Variants in HACE1 observed in about 807,000 individuals in gnomAD.
HACE1 encodes the protein E3 ubiquitin-protein ligase HACE1.
HACE1 carries 73 observed loss-of-function variants against 118.4 expected under a neutral mutation model. That is an observed-to-expected ratio of 0.62 (90% CI 0.51 to 0.75). The LOEUF is 0.75. Ranked by LOEUF, HACE1 falls within the 30% of genes least tolerant of loss-of-function variation. The probability of loss-of-function intolerance (pLI) is 0.00; values close to 1 mark genes in which losing one functional copy is unlikely to be tolerated. For missense variants in HACE1, 749 were observed against 1,102.2 expected (o/e 0.68, Z 4.54); for synonymous variants, 368 against 374.8 (o/e 0.98, Z 0.21).
intron 10 of HACE1, among the ~76,000 whole-genome samples, chr6:104,794,545 T>G (rs893168258): frequency 1.3e-5 from 2 of 152,240 alleles, no homozygotes; most frequent in African/African-American, 2.4e-5. Context: ...AATTTCAACA[T>G]AGAGATCTTG....
At chr6:104,859,504 G>C (rs1777093093) in intron 1 of HACE1, 63 bp downstream of exon 1, 1 of 1,205,042 alleles carries the variant, frequency 8.3e-7, no homozygotes, top group Non-Finnish European at 1.1e-6. Flanking sequence ...GACGCGGCCG[G>C]AGCTCCTGCC....
intron 22 of HACE1, among the ~76,000 whole-genome samples, chr6:104,739,263 G>A (rs1027201600): frequency 6.6e-6 from 1 of 152,008 alleles, no homozygotes; most frequent in African/African-American, 2.4e-5. Context: ...ATCAACTAAC[G>A]AACAAAATAA....
At chr6:104,825,081 C>CAAA (rs575106170) in intron 6 of HACE1, among the ~76,000 whole-genome samples, 16 of 92,768 alleles carry the variant, frequency 1.7e-4, no homozygotes, top group African/African-American at 6.6e-4. Context: ...GACTCCGTCT[C>CAAA]AAAAAAAAAA....
At position 104,762,564 on chromosome 6, in the gene HACE1, G is replaced by C. The variant is rs544664798; in HGVS notation, c.2211+8629C>G. 2.0e-3 allele frequency among the ~76,000 whole-genome samples: 310 copies of C among 152,242 alleles called. 1 individual carries two copies. The highest frequency in any genetic ancestry group is 3.4e-3 in the Middle Eastern group (1 of 292). On this transcript the variant is annotated intron_variant, in intron 19 of 23. Coordinates refer to ENST00000262903, the MANE Select transcript of HACE1 (RefSeq NM_020771.4). ...AGGGCCTGCTGAGGGTGGGGGGCTA[G>C]AGGAGGGATAACATTAGGAGAAATA...
chr6:104,781,727 G>A (rs1582439972), intron 14 of HACE1, among the ~76,000 whole-genome samples: 1 of 151,848 alleles, frequency 6.6e-6, no homozygotes, highest in African/African-American at 2.4e-5. Flanking sequence ...TGCAACCACC[G>A]CCAACATGGA....
chr6:104,859,816 G>A lies in HACE1; in HGVS notation c.-174C>T. On this transcript the variant is annotated 5_prime_UTR_variant, in exon 1 of 24. Coordinates refer to ENST00000262903, the MANE Select transcript of HACE1 (RefSeq NM_020771.4). ...GCCACGTCCTGCGTCCGGGGGCCGG[G>A]CTGCTGCCGGACCGACCACCTACAG... is the stretch of plus-strand genomic sequence containing the variant. 1.7e-6 allele frequency: 1 copy of A among 587,132 alleles called. No individual in the cohort carries two copies. Among genetic ancestry groups the A allele is most frequent in the Non-Finnish European group, 2.9e-6 (1 of 349,554 alleles). 36.4% of individuals were successfully genotyped at this position (587,132 alleles called of 1,614,324 possible). A position where few individuals can be genotyped will look rare whatever the true frequency, so the allele number is the denominator to read the frequency against.
At chr6:104,800,637 T>C (rs1770226315) in intron 7 of HACE1, among the ~76,000 whole-genome samples, 1 of 152,114 alleles carries the variant, frequency 6.6e-6, no homozygotes, top group Non-Finnish European at 1.5e-5. Flanking sequence ...GACCTGACTG[T>C]TAGAAGGAAA....
chr6:104,761,804 C>A (rs1169530187), intron 19 of HACE1, among the ~76,000 whole-genome samples: 3 of 152,072 alleles, frequency 2.0e-5, no homozygotes, highest in Non-Finnish European at 4.4e-5. Flanking sequence ...ATCCATCTGA[C>A]AAAGGGTTAA....
chr6:104,732,025 G>A (rs1775264475), intron 22 of HACE1: 1 of 152,050 alleles, frequency 6.6e-6, no homozygotes, highest in African/African-American at 2.4e-5. Context: ...CACTCATTAA[G>A]ATGACTATCG....
intron 14 of HACE1, among the ~76,000 whole-genome samples, chr6:104,779,985 C>T (rs1007292284): frequency 1.3e-5 from 2 of 151,998 alleles, no homozygotes; most frequent in Non-Finnish European, 2.9e-5. Flanking sequence ...GAAAAAGGAA[C>T]TTTTGTCCCC....
chr6:104,768,841 G>A (rs933848921), intron 19 of HACE1, among the ~76,000 whole-genome samples: 1 of 151,880 alleles, frequency 6.6e-6, no homozygotes, highest in Non-Finnish European at 1.5e-5. Flanking sequence ...GCACAATGAA[G>A]GGTATATCCT....
rs565424923 is a variant in HACE1 at position 104,734,113 on chromosome 6, A to T, written c.2514-3697T>A. Among the ~76,000 whole-genome samples, 40 of 143,916 alleles carry T rather than the reference A, an allele frequency of 2.8e-4. No homozygotes were observed. In the South Asian group the frequency reaches 7.8e-3, roughly 28 times the overall value. The allele number at this position is 143,916 out of a possible 152,430, so 94.4% of individuals were successfully genotyped here. On this transcript the variant is annotated intron_variant, in intron 22 of 23. Transcript: ENST00000262903. ...GGTTGCAGTGAGCCGAGTGAGATCC[A>T]GCCTGAGAAACAGAGCAAGACTCTT...
chr6:104,772,792 AT>A (rs776051313), intron 17 of HACE1, among the ~76,000 whole-genome samples: 9 of 152,216 alleles, frequency 5.9e-5, no homozygotes, highest in Non-Finnish European at 1.0e-4. Flanking sequence ...TTTATAAAAT[AT>A]CTAGAATAGG....
At chr6:104,744,765 TGAGA>T (rs1193004104) in intron 20 of HACE1, among the ~76,000 whole-genome samples, 155 bp from the exon 21 acceptor site, 5 of 152,158 alleles carry the variant, frequency 3.3e-5, no homozygotes, top group Non-Finnish European at 1.5e-5. Flanking sequence ...AAGCATTACA[TGAGA>T]GAGAATCCTT....
At chr6:104,790,167 G>T (rs1475133173) in intron 11 of HACE1, among the ~76,000 whole-genome samples, 1 of 151,616 alleles carries the variant, frequency 6.6e-6, no homozygotes, top group Non-Finnish European at 1.5e-5. Context: ...TTTTTAAAGA[G>T]AGTAAAACAG....
At position 104,758,905 on chromosome 6, in the gene HACE1, G is replaced by T. The variant is rs181701497; in HGVS notation, c.2212-8433C>A. 3.9e-5 allele frequency among the ~76,000 whole-genome samples: 6 copies of T among 152,016 alleles called. No homozygotes were observed. In the East Asian group the frequency reaches 1.2e-3, roughly 29 times the overall value. Reference sequence around the variant, plus strand: ...AAAAAAAGCAGGGGTTGCAATCCTGGTCTCTGATAAAACAGACGTTAGACC... The same window carrying T: ...AAAAAAAGCAGGGGTTGCAATCCTGTTCTCTGATAAAACAGACGTTAGACC... On this transcript the variant is annotated intron_variant, in intron 19 of 23. Transcript: ENST00000262903.
At chr6:104,729,835 A>T in intron 23 of HACE1, 71 bp from the exon 24 acceptor site, 1 of 755,808 alleles carries the variant, frequency 1.3e-6, no homozygotes, top group Non-Finnish European at 2.4e-6. Context: ...CCTAGCAGTG[A>T]AAACACTACT....
intron 6 of HACE1, among the ~76,000 whole-genome samples, chr6:104,829,041 T>C (rs1028403624): frequency 6.6e-6 from 1 of 152,174 alleles, no homozygotes; most frequent in African/African-American, 2.4e-5. Context: ...AATGGAATTT[T>C]TTCCCCATTT....
chr6:104,808,471 T>C (rs995949220), intron 7 of HACE1, among the ~76,000 whole-genome samples: 4 of 152,202 alleles, frequency 2.6e-5, no homozygotes, highest in African/African-American at 9.6e-5. Context: ...TTGACTAATG[T>C]TGTATAGCTC....
Sources: gnomAD v4.1 joint callset for allele counts (sites outside exome capture counted in the v4.1 genomes callset) on GRCh38, gnomAD v4.1.1 for gene constraint, MANE v1.5 for transcripts, NCBI Gene and HGNC (gene_info 2026-07-23, HGNC 2026-07-21) for gene names.